The following CAMK4 variants were observed in gnomAD, a reference collection of about 807,000 sequenced individuals.
The protein encoded by CAMK4 is calcium/calmodulin dependent protein kinase IV, also known as calcium/calmodulin-dependent protein kinase type IV.
In CAMK4, 22 loss-of-function variants were observed where a neutral mutation model predicts 44.9. The observed-to-expected ratio is 0.49, with a 90% CI of 0.35 to 0.70. The LOEUF is 0.70. Among genes scored for constraint, CAMK4 ranks in the 30% least tolerant of loss-of-function variants. CAMK4 has a pLI of 0.01. For missense variants in CAMK4, 498 were observed against 586.8 expected (o/e 0.85, Z 1.56); for synonymous variants, 218 against 215.4 (o/e 1.01, Z -0.11).
At chr5:111,323,167 T>C (rs574123230) in intron 1 of CAMK4, among the ~76,000 whole-genome samples, 2 of 152,064 alleles carry the variant, frequency 1.3e-5, no homozygotes, top group South Asian at 4.2e-4. Context: ...GCAAACATGG[T>C]AAATGCAAAG....
rs1755850251 is a variant in CAMK4, at chr5:111,491,893, T to A, written c.*7427T>A. 1 of 152,216 alleles carries A rather than the reference T, an allele frequency of 6.6e-6. No homozygotes were observed. Among genetic ancestry groups the A allele is most frequent in the African/African-American group, 2.4e-5 (1 of 41,450 alleles). The allele number at this position is 152,216 out of a possible 1,614,324, so 9.4% of individuals were successfully genotyped here. The stretch of plus-strand genomic sequence containing the variant: ...AATATTATGTTTTATTTTGTGGCAT[T>A]ATATGACAATGACTTTCTCAACAAT... On this transcript the variant is annotated 3_prime_UTR_variant, in exon 11 of 11. Coordinates refer to ENST00000282356, the MANE Select transcript of CAMK4 (RefSeq NM_001744.6).
chr5:111,241,716 T>C (rs150303308), intron 1 of CAMK4, among the ~76,000 whole-genome samples: 34 of 152,378 alleles, frequency 2.2e-4, no homozygotes, highest in Non-Finnish European at 4.0e-4. Flanking sequence ...AAATAATGAT[T>C]GAATGTCTTA....
At chr5:111,318,531 G>A (rs1311087123) in intron 1 of CAMK4, among the ~76,000 whole-genome samples, 1 of 152,110 alleles carries the variant, frequency 6.6e-6, no homozygotes, top group Non-Finnish European at 1.5e-5. Flanking sequence ...TGGAAGGTGG[G>A]GTTGGAGGTG....
At chr5:111,435,587 G>A (rs1341194662) in intron 5 of CAMK4, among the ~76,000 whole-genome samples, 1 of 152,118 alleles carries the variant, frequency 6.6e-6, no homozygotes, top group African/African-American at 2.4e-5. Context: ...AGATCCCCAG[G>A]TTCTGCTTGG....
At chr5:111,353,401 T>C (rs1289267116) in intron 2 of CAMK4, among the ~76,000 whole-genome samples, 1 of 151,996 alleles carries the variant, frequency 6.6e-6, no homozygotes, top group African/African-American at 2.4e-5. Context: ...CATATATTAA[T>C]ATGTGACTGC....
At chr5:111,431,406 T>A (rs1040069887) in intron 5 of CAMK4, among the ~76,000 whole-genome samples, 5 of 152,058 alleles carry the variant, frequency 3.3e-5, no homozygotes, top group Admixed American at 3.3e-4. Flanking sequence ...ACTATGAAAC[T>A]ACTACAAGAA....
intron 6 of CAMK4, among the ~76,000 whole-genome samples, chr5:111,448,471 A>G (rs1489393859): frequency 6.6e-6 from 1 of 152,226 alleles, no homozygotes; most frequent in Non-Finnish European, 1.5e-5. Context: ...TTCAGAAGTA[A>G]CAACATTAGA....
rs185708984 is a variant in CAMK4, at chr5:111,227,662, G to A, written c.161+3018G>A. Among the ~76,000 whole-genome samples the A allele has an allele frequency of 4.8e-4, 73 of 152,330 alleles. 1 individual carries two copies. The East Asian group carries it at 0.012, about 24-fold the overall frequency. Reference sequence around the variant, plus strand: ...GATAGTGCTGGCGAAGGCAGGTGCTGGCAGCACTGATCCACATGGAGCCAT... The same window carrying A: ...GATAGTGCTGGCGAAGGCAGGTGCTAGCAGCACTGATCCACATGGAGCCAT... On this transcript the variant is annotated intron_variant, in intron 1 of 10. Coordinates refer to ENST00000282356, the MANE Select transcript of CAMK4 (RefSeq NM_001744.6).
At chr5:111,366,038 A>G (rs1750781562) in intron 2 of CAMK4, among the ~76,000 whole-genome samples, 1 of 152,164 alleles carries the variant, frequency 6.6e-6, no homozygotes, top group African/African-American at 2.4e-5. Context: ...AAAAAATAGG[A>G]TGCTAAATTA....
chr5:111,383,035 C>T (rs1751475370), intron 4 of CAMK4, among the ~76,000 whole-genome samples: 2 of 152,062 alleles, frequency 1.3e-5, no homozygotes, highest in South Asian at 4.1e-4. Flanking sequence ...GAAGCTTGGC[C>T]ATAAAATGAA....
At chr5:111,412,240 G>C (rs1427566457) in intron 5 of CAMK4, among the ~76,000 whole-genome samples, 1 of 152,126 alleles carries the variant, frequency 6.6e-6, no homozygotes, top group East Asian at 1.9e-4. Context: ...TATGGCAACA[G>C]ACATTCAGTC....
intron 4 of CAMK4, among the ~76,000 whole-genome samples, chr5:111,383,017 T>C (rs1431263684): frequency 6.6e-6 from 1 of 152,180 alleles, no homozygotes; most frequent in Non-Finnish European, 1.5e-5. Context: ...TATAGTTTAC[T>C]TTTTCTAGAA....
intron 2 of CAMK4, among the ~76,000 whole-genome samples, chr5:111,346,923 T>G (rs1020769173): frequency 6.6e-5 from 10 of 151,904 alleles, no homozygotes; most frequent in African/African-American, 2.4e-4. Flanking sequence ...ATCAGGCAAC[T>G]CACGCTTAAG....
At chr5:111,277,146 T>C (rs1333289399) in intron 1 of CAMK4, among the ~76,000 whole-genome samples, 1 of 152,196 alleles carries the variant, frequency 6.6e-6, no homozygotes, top group Non-Finnish European at 1.5e-5. Context: ...GGATGATAAA[T>C]TTTGAGAAAT....
intron 4 of CAMK4, among the ~76,000 whole-genome samples, chr5:111,385,551 C>A (rs1336046725): frequency 6.6e-6 from 1 of 151,162 alleles, no homozygotes; most frequent in African/African-American, 2.4e-5. Context: ...TGCTCCTGAG[C>A]AATATATATA....
intron 1 of CAMK4, among the ~76,000 whole-genome samples, chr5:111,260,989 AC>A (rs1252409269): frequency 6.6e-6 from 1 of 152,056 alleles, no homozygotes; most frequent in Non-Finnish European, 1.5e-5. Flanking sequence ...CTCTCACCCT[AC>A]CTTTCAAAAT....
At chr5:111,376,351 G>T (rs544216070) in intron 3 of CAMK4, among the ~76,000 whole-genome samples, 1 of 152,036 alleles carries the variant, frequency 6.6e-6, no homozygotes, top group Admixed American at 6.6e-5. Flanking sequence ...CTTTTCTGAG[G>T]ATTCCTTCAC....
At chr5:111,321,634 C>T (rs938064508) in intron 1 of CAMK4, among the ~76,000 whole-genome samples, 4 of 151,884 alleles carry the variant, frequency 2.6e-5, no homozygotes, top group African/African-American at 9.7e-5. Context: ...AGTCTCAAGG[C>T]CTGTGATCTA....
At chr5:111,350,666 T>C (rs969543615) in intron 2 of CAMK4, among the ~76,000 whole-genome samples, 1 of 152,068 alleles carries the variant, frequency 6.6e-6, no homozygotes, top group African/African-American at 2.4e-5. Context: ...ATTTTAGTTA[T>C]TATAATACCA....
Sources: allele counts gnomAD v4.1 joint callset (sites outside exome capture counted in the v4.1 genomes callset), GRCh38; gene constraint gnomAD v4.1.1; transcripts MANE v1.5; gene names NCBI Gene and HGNC (gene_info 2026-07-23, HGNC 2026-07-21).